Variants in MB21D2 observed in about 807,000 individuals in gnomAD.
The protein encoded by MB21D2 is nucleotidyltransferase MB21D2.
In MB21D2, 9 loss-of-function variants were observed where a neutral mutation model predicts 33.3. The observed-to-expected ratio is 0.27, with a 90% CI of 0.16 to 0.47. MB21D2 has a LOEUF of 0.47. Among genes scored for constraint, MB21D2 ranks in the 20% least tolerant of loss-of-function variants. The pLI is 0.99. For missense variants in MB21D2, 540 were observed against 624.6 expected, an observed-to-expected ratio of 0.86 and a Z score of 1.44; for synonymous variants, 241 against 236.3, an observed-to-expected ratio of 1.02 and a Z score of -0.18.
chr3:192,813,563 T>C (rs1039336419), intron 1 of MB21D2, among the ~76,000 whole-genome samples: 1 of 152,164 alleles, frequency 6.6e-6, no homozygotes, highest in Non-Finnish European at 1.5e-5. Flanking sequence ...TTCCAGAGAA[T>C]GGCCACAATC....
chr3:192,801,971 T>G (rs1711573653), intron 1 of MB21D2, among the ~76,000 whole-genome samples: 1 of 152,204 alleles, frequency 6.6e-6, no homozygotes, highest in Non-Finnish European at 1.5e-5. Context: ...CATTATAGTG[T>G]CAACAATTCA....
At chr3:192,832,103 T>A (rs537750683) in intron 1 of MB21D2, among the ~76,000 whole-genome samples, 17 of 152,344 alleles carry the variant, frequency 1.1e-4, no homozygotes, top group African/African-American at 4.1e-4. Flanking sequence ...CTTGGTGCCT[T>A]TGATAAATAC....
intron 1 of MB21D2, among the ~76,000 whole-genome samples, chr3:192,870,279 C>G (rs1244021160): frequency 6.6e-6 from 1 of 152,178 alleles, no homozygotes; most frequent in African/African-American, 2.4e-5. Context: ...CCCTCAGCTT[C>G]TCATCTGTAA....
intron 1 of MB21D2, among the ~76,000 whole-genome samples, chr3:192,812,030 T>TGC (rs1418079597): frequency 1.3e-5 from 2 of 152,114 alleles, no homozygotes; most frequent in Non-Finnish European, 2.9e-5. Context: ...TTTGTGTGTG[T>TGC]GCGTGTTTTG....
intron 1 of MB21D2, among the ~76,000 whole-genome samples, chr3:192,883,650 T>C (rs913714440): frequency 6.6e-6 from 1 of 152,106 alleles, no homozygotes; most frequent in African/African-American, 2.4e-5. Context: ...TGTAGTTGTA[T>C]CTCTGTGACA....
chr3:192,904,360 A>G (rs1190301040), intron 1 of MB21D2, among the ~76,000 whole-genome samples: 1 of 152,184 alleles, frequency 6.6e-6, no homozygotes. Flanking sequence ...TTCAGATCAG[A>G]GGCGATAAGT....
intron 1 of MB21D2, among the ~76,000 whole-genome samples, chr3:192,895,852 C>G (rs1409611471): frequency 1.3e-5 from 2 of 152,160 alleles, no homozygotes; most frequent in Non-Finnish European, 2.9e-5. Context: ...CCCACCTCAG[C>G]CTCTCAAGTA....
chr3:192,898,049 T>C (rs762957487), intron 1 of MB21D2, among the ~76,000 whole-genome samples: 8 of 152,174 alleles, frequency 5.3e-5, no homozygotes, highest in East Asian at 1.9e-4. Context: ...ATTGGTGCTA[T>C]AGTATTATCT....
chr3:192,871,076 T>C (rs1713285790), intron 1 of MB21D2, among the ~76,000 whole-genome samples: 1 of 152,182 alleles, frequency 6.6e-6, no homozygotes, highest in African/African-American at 2.4e-5. Flanking sequence ...AGGCCATCAA[T>C]GGGGATCATG....
At chr3:192,814,862 C>CT (rs1459324106) in intron 1 of MB21D2, among the ~76,000 whole-genome samples, 5 of 115,476 alleles carry the variant, frequency 4.3e-5, no homozygotes, top group Non-Finnish European at 9.8e-5. Context: ...GAGACTCCAT[C>CT]CCAAAAAAAA....
At chr3:192,870,633 C>T (rs2108637459) in intron 1 of MB21D2, among the ~76,000 whole-genome samples, 1 of 135,884 alleles carries the variant, frequency 7.4e-6, no homozygotes, top group South Asian at 2.5e-4. Context: ...ATCACTGGAA[C>T]CTGGGAGGTG....
chr3:192,905,463 C>A (rs1474111786), intron 1 of MB21D2, among the ~76,000 whole-genome samples: 1 of 151,518 alleles, frequency 6.6e-6, no homozygotes, highest in African/African-American at 2.4e-5. Context: ...ATGGTGAAAC[C>A]CCATCTATAC....
intron 1 of MB21D2, among the ~76,000 whole-genome samples, chr3:192,916,836 ACT>A (rs1470293714): frequency 6.6e-6 from 1 of 151,722 alleles, no homozygotes; most frequent in Non-Finnish European, 1.5e-5. Flanking sequence ...GCGGTTGGAA[ACT>A]CTGGGCACCT....
At chr3:192,849,918 T>C in intron 1 of MB21D2, among the ~76,000 whole-genome samples, 1 of 127,410 alleles carries the variant, frequency 7.8e-6, no homozygotes, top group East Asian at 2.8e-4. Context: ...CATATAAAAA[T>C]TTTCTTTTTT....
chr3:192,867,354 C>T (rs1713192299), intron 1 of MB21D2, among the ~76,000 whole-genome samples: 1 of 152,116 alleles, frequency 6.6e-6, no homozygotes, highest in Non-Finnish European at 1.5e-5. Flanking sequence ...AAAGCAGCTC[C>T]CTCAAAACTG....
intron 1 of MB21D2, among the ~76,000 whole-genome samples, chr3:192,821,193 G>A (rs1712044603): frequency 6.6e-6 from 1 of 152,032 alleles, no homozygotes; most frequent in South Asian, 2.1e-4. Context: ...ACCTACTTTG[G>A]GCCAAAAGGT....
At position 192,818,611 on chromosome 3, in the gene MB21D2, A is replaced by C. The variant is rs1711978185; in HGVS notation, c.212-18961T>G. Among the ~76,000 whole-genome samples the C allele has an allele frequency of 4.6e-5, 7 of 152,286 alleles. No individual in the cohort carries two copies. The South Asian group carries it at 1.5e-3, about 32-fold the overall frequency. On this transcript the variant is annotated intron_variant, in intron 1 of 1. Coordinates refer to ENST00000392452, the MANE Select transcript of MB21D2 (RefSeq NM_178496.4). The stretch of plus-strand genomic sequence containing the variant: ...ATTCAACAACTTTTCCTTACAATCC[A>C]TCAAGCCATCTTCAACCATTTTTAA...
At chr3:192,906,967 T>G (rs142275761) in intron 1 of MB21D2, among the ~76,000 whole-genome samples, 50 of 152,376 alleles carry the variant, frequency 3.3e-4, no homozygotes, top group Non-Finnish European at 5.6e-4. Context: ...CTCACAAGTC[T>G]TCTTGCGTTA....
intron 1 of MB21D2, among the ~76,000 whole-genome samples, chr3:192,877,474 T>C (rs567887273): frequency 6.6e-6 from 1 of 152,232 alleles, no homozygotes; most frequent in Admixed American, 6.5e-5. Context: ...ATATCTGAAT[T>C]TTTGTTCATG....
Sources: allele counts gnomAD v4.1 joint callset (sites outside exome capture counted in the v4.1 genomes callset), GRCh38; gene constraint gnomAD v4.1.1; transcripts MANE v1.5; gene names NCBI Gene and HGNC (gene_info 2026-07-23, HGNC 2026-07-21).